BPIFB1: variants seen among roughly 807,000 people sequenced by gnomAD.
The protein encoded by BPIFB1 is BPI fold containing family B member 1, also known as BPI fold-containing family B member 1.
In BPIFB1, 34 loss-of-function variants were observed where a neutral mutation model predicts 55.1. The ratio of observed to expected loss-of-function variants is 0.62; its 90% CI spans 0.47 to 0.82. BPIFB1 has a LOEUF of 0.82. BPIFB1 is among the 40% of genes least tolerant of loss of function. BPIFB1 has a pLI of 0.00. For synonymous variants in BPIFB1, 236 were observed against 245.3 expected, an observed-to-expected ratio of 0.96 and a Z score of 0.35; for missense variants, 532 against 593.1, an observed-to-expected ratio of 0.90 and a Z score of 1.07.
At position 33,290,971 on chromosome 20, in the gene BPIFB1, C is replaced by A; in HGVS notation, c.380C>A (p.Thr127Asn). The A allele has an allele frequency of 6.2e-7, 1 of 1,613,916 alleles. No individual in the cohort carries two copies. Among genetic ancestry groups the A allele is most frequent in the Non-Finnish European group, 8.5e-7 (1 of 1,180,016 alleles). ...VAGFNTPLVKTIVEFHMTTEA... is the reference protein window; with the variant it reads ...VAGFNTPLVKNIVEFHMTTEA... Reference sequence around the variant, plus strand: ...CCACCCGCTAGGCCCCTGGTCAAGACCATCGTGGAGTTCCACATGACGACT... The same window carrying A: ...CCACCCGCTAGGCCCCTGGTCAAGAACATCGTGGAGTTCCACATGACGACT... Residue 127 changes from threonine (T) to asparagine (N), a missense_variant, in exon 5 of 16, where the codon ACC becomes AAC. Coordinates refer to ENST00000253354, the MANE Select transcript of BPIFB1 (RefSeq NM_033197.3).
At chr20:33,290,068 G>T in intron 4 of BPIFB1, 76 bp downstream of exon 4, 2 of 1,143,746 alleles carry the variant, frequency 1.7e-6, no homozygotes, top group Non-Finnish European at 2.6e-6. Context: ...CCCCCACCAT[G>T]CAGGTGTCTG....
intron 4 of BPIFB1, 146 bp from the exon 5 acceptor site, chr20:33,290,811 C>T: frequency 2.4e-6 from 2 of 840,870 alleles, no homozygotes; most frequent in South Asian, 3.6e-5. Context: ...CTGGGACATG[C>T]TGGGGTGAAG....
rs1400185443 is a variant in BPIFB1, at chr20:33,309,813, G to C, written c.*46G>C. ...AGGGAAGGCTGGGTCCCAGCTGGGA[G>C]TATGGGTGTGAGCTCTATAGACCAT... On this transcript the variant is annotated 3_prime_UTR_variant, in exon 16 of 16. Coordinates refer to ENST00000253354, the MANE Select transcript of BPIFB1 (RefSeq NM_033197.3). This position sits in a 1 kb window ranked among gnomAD's most constrained non-coding sequence, Gnocchi z 4.4. 1 of 1,540,410 alleles carries C rather than the reference G, an allele frequency of 6.5e-7. No individual in the cohort carries two copies. The highest frequency in any genetic ancestry group is 1.7e-5 in the Admixed American group (1 of 59,858).
chr20:33,299,034 A>G, intron 7 of BPIFB1: 1 of 300,630 alleles, frequency 3.3e-6, no homozygotes, highest in Non-Finnish European at 7.0e-6. Flanking sequence ...TTTTTACAGG[A>G]GTCATGCTCA....
intron 6 of BPIFB1, among the ~76,000 whole-genome samples, chr20:33,292,213 A>C (rs1274553294): frequency 6.6e-6 from 1 of 152,244 alleles, no homozygotes; most frequent in East Asian, 1.9e-4. Context: ...GCCCGTGAAC[A>C]GTGACGTGCT....
chr20:33,295,166 G>A (rs1384662238), intron 6 of BPIFB1, among the ~76,000 whole-genome samples: 2 of 150,886 alleles, frequency 1.3e-5, no homozygotes, highest in Non-Finnish European at 2.9e-5. Context: ...AGTGAGCTGA[G>A]ATAACGCCAC....
intron 9 of BPIFB1, among the ~76,000 whole-genome samples, chr20:33,301,947 T>C (rs1980869422): frequency 1.3e-5 from 2 of 151,860 alleles, no homozygotes; most frequent in Non-Finnish European, 2.9e-5. Flanking sequence ...GGGGAAAGGG[T>C]TGGTCCAACG....
Position 33,301,299 on chromosome 20 carries a change from A to C in BPIFB1, c.814A>C (p.Met272Leu). ...CAATAACTCTGCAGCTTCCCTGACA[A>C]TGCCCACCCTGGACAACATCCCGTT... ...WFNNSAASLT[M>L]PTLDNIPFSL... is the part of the protein sequence containing the mutation. The change falls in exon 9 of 16, where the codon ATG (methionine) becomes CTG (leucine). Residue 272 changes from methionine (M) to leucine (L), a missense_variant. Transcript: ENST00000253354. 1 of 1,614,170 alleles carries C rather than the reference A, an allele frequency of 6.2e-7. No individual in the cohort carries two copies. The highest frequency in any genetic ancestry group is 8.5e-7 in the Non-Finnish European group (1 of 1,180,028).
chr20:33,307,742 A>C (rs1981082375), intron 15 of BPIFB1: 2 of 152,218 alleles, frequency 1.3e-5, no homozygotes, highest in African/African-American at 2.4e-5. Context: ...GGCAAAACCC[A>C]GTCTCTACTA....
chr20:33,305,475 G>C (rs1171156762), intron 13 of BPIFB1, among the ~76,000 whole-genome samples: 1 of 151,634 alleles, frequency 6.6e-6, no homozygotes, highest in Non-Finnish European at 1.5e-5. Flanking sequence ...CCACCACCAC[G>C]CCCGGCTAAT....
rs1327287313 is a variant in BPIFB1 at position 33,309,571 on chromosome 20, T to C, written c.1396-137T>C. 1.3e-6 allele frequency: 1 copy of C among 764,876 alleles called. No homozygotes were observed. Among genetic ancestry groups the C allele is most frequent in the Non-Finnish European group, 2.2e-6 (1 of 452,868 alleles). 47.4% of individuals were successfully genotyped at this position (764,876 alleles called of 1,614,324 possible). ...CACAGACCCTCCACCCCGACCCTTC[T>C]AAGAATTCTGTATTTGTGGGTTCAG... On this transcript the variant is annotated intron_variant, in intron 15 of 15. Transcript: ENST00000253354. The surrounding 1 kb of genome is among the most constrained non-coding windows in gnomAD (Gnocchi z 4.4).
intron 10 of BPIFB1, chr20:33,302,654 A>T: frequency 1.6e-6 from 1 of 622,412 alleles, no homozygotes; most frequent in Non-Finnish European, 2.8e-6. Context: ...CCATGAGAAC[A>T]CTCTGGGCCC....
At chr20:33,292,184 T>G (rs1294990930) in intron 6 of BPIFB1, among the ~76,000 whole-genome samples, 196 bp downstream of exon 6, 2 of 152,260 alleles carry the variant, frequency 1.3e-5, no homozygotes, top group Non-Finnish European at 2.9e-5. Context: ...GTCATGGGAC[T>G]GCTAAAAGTC....
chr20:33,308,500 G>A (rs560103506), intron 15 of BPIFB1, among the ~76,000 whole-genome samples: 15 of 140,904 alleles, frequency 1.1e-4, no homozygotes, highest in Admixed American at 2.8e-4. Flanking sequence ...ACATACACAC[G>A]CACATACAAA....
intron 13 of BPIFB1, among the ~76,000 whole-genome samples, chr20:33,305,299 T>C (rs766839545): frequency 6.7e-6 from 1 of 148,252 alleles, no homozygotes; most frequent in Non-Finnish European, 1.5e-5. Flanking sequence ...TTATGATTTG[T>C]TTTTCACTAT....
chr20:33,297,569 C>T lies in BPIFB1; in HGVS notation c.642C>T (p.Asp214=). The stretch of plus-strand genomic sequence containing the variant: ...CTTCCTTCAATGGCATGTATGCAGA[C>T]CTCCTGCAGCTGGTGAAGGGTAGGT... The part of the protein sequence containing the change: ...IEASFNGMYA[D]LLQLVKVPIS... Residue 214 remains aspartate (D), a synonymous_variant, in exon 7 of 16, where the codon GAC becomes GAT. Transcript: ENST00000253354. 1 of 1,614,200 alleles carries T rather than the reference C, an allele frequency of 6.2e-7. No homozygotes were observed. Among genetic ancestry groups the T allele is most frequent in the Non-Finnish European group, 8.5e-7 (1 of 1,180,014 alleles).
At chr20:33,290,870 G>A in intron 4 of BPIFB1, 87 bp from the exon 5 acceptor site, 2 of 1,445,656 alleles carry the variant, frequency 1.4e-6, no homozygotes. Flanking sequence ...GGAAGGAGGT[G>A]AGGGCTGGAA....
At chr20:33,302,851 C>T (rs1980896656) in intron 10 of BPIFB1, 65 bp from the exon 11 acceptor site, 15 of 1,577,216 alleles carry the variant, frequency 9.5e-6, no homozygotes, top group Non-Finnish European at 1.3e-5. Context: ...GGCCAGGCCA[C>T]ACACAGAGCC....
At chr20:33,303,921 C>A in intron 11 of BPIFB1, 37 bp from the exon 12 acceptor site, 2 of 1,611,366 alleles carry the variant, frequency 1.2e-6, no homozygotes, top group South Asian at 1.1e-5. Flanking sequence ...CTCGGATCCT[C>A]TTGAGAACAA....
Sources: allele counts gnomAD v4.1 joint callset (sites outside exome capture counted in the v4.1 genomes callset), GRCh38; gene constraint gnomAD v4.1.1; non-coding constraint Gnocchi (gnomAD v3.1); transcripts MANE v1.5; gene names NCBI Gene and HGNC (gene_info 2026-07-23, HGNC 2026-07-21).